LRBA: variants seen among roughly 807,000 people sequenced by gnomAD.
LRBA encodes the protein LPS responsive beige-like anchor protein.
A neutral mutation model predicts 330.0 loss-of-function variants in LRBA; 176 were observed. The observed-to-expected ratio is 0.53, with a 90% CI of 0.47 to 0.60. The LOEUF (loss-of-function observed/expected upper bound fraction) is 0.60. LRBA is among the 20% of genes least tolerant of loss of function. LRBA has a pLI of 0.00. For synonymous variants in LRBA, 1,230 were observed against 1,193.0 expected (o/e 1.03, Z -0.64); for missense variants, 3,259 against 3,444.8 (o/e 0.95, Z 1.35).
At chr4:150,724,899 TATATACAC>T (rs1248989175) in intron 36 of LRBA, among the ~76,000 whole-genome samples, 1 of 146,942 alleles carries the variant, frequency 6.8e-6, no homozygotes, top group African/African-American at 2.5e-5. Context: ...TATATGTATA[TATATACAC>T]ACACACACAC....
intron 2 of LRBA, chr4:151,014,128 A>G (rs760660145): frequency 1.6e-5 from 4 of 244,948 alleles, no homozygotes; most frequent in Middle Eastern, 1.2e-3. Context: ...CCAAGAAAAA[A>G]AAAATTAGAG....
intron 4 of LRBA, among the ~76,000 whole-genome samples, chr4:150,926,629 T>C (rs753737665): frequency 3.6e-4 from 54 of 151,718 alleles, no homozygotes; most frequent in Non-Finnish European, 5.7e-4. Flanking sequence ...AGGAGCAAAA[T>C]CAATGAGTAA....
At chr4:150,742,242 C>T (rs1732110642) in intron 35 of LRBA, among the ~76,000 whole-genome samples, 1 of 150,816 alleles carries the variant, frequency 6.6e-6, no homozygotes, top group African/African-American at 2.4e-5. Flanking sequence ...ACCTCCCAAG[C>T]TCAAGTGATC....
At chr4:150,714,831 C>A (rs999916402) in intron 36 of LRBA, among the ~76,000 whole-genome samples, 1 of 151,990 alleles carries the variant, frequency 6.6e-6, no homozygotes, top group Non-Finnish European at 1.5e-5. Context: ...ATAGTGAGTT[C>A]AGTTTTGAGA....
chr4:150,638,086 T>C (rs548873299), intron 37 of LRBA, among the ~76,000 whole-genome samples: 1 of 150,676 alleles, frequency 6.6e-6, no homozygotes, highest in Admixed American at 6.6e-5. Flanking sequence ...TGTTTACAAT[T>C]TCTTTAATTA....
intron 36 of LRBA, among the ~76,000 whole-genome samples, chr4:150,720,235 T>G (rs558245726): frequency 6.6e-6 from 1 of 152,200 alleles, no homozygotes; most frequent in East Asian, 1.9e-4. Flanking sequence ...ATAGCACCAA[T>G]CAATCAACAA....
chr4:150,402,232 G>A lies in LRBA; in HGVS notation c.7194+13206C>T, dbSNP rs1045052335. On this transcript the variant is annotated intron_variant, in intron 47 of 56. Transcript: ENST00000651943. ...TACAAAAAAAGAACTTATTTTAGAC[G>A]AGATCAGGCACTTTCAGGGTGGTAC... 1.7e-4 allele frequency among the ~76,000 whole-genome samples: 25 copies of A among 149,532 alleles called. 1 individual carries two copies. The highest frequency in any genetic ancestry group is 3.0e-5 in the Non-Finnish European group (2 of 67,680).
At chr4:150,332,950 T>G (rs1287297010) in intron 48 of LRBA, among the ~76,000 whole-genome samples, 1 of 152,152 alleles carries the variant, frequency 6.6e-6, no homozygotes, top group Non-Finnish European at 1.5e-5. Flanking sequence ...TTCTATAGTT[T>G]TTGTGTGTGC....
chr4:150,504,603 T>C (rs536220306), intron 40 of LRBA, among the ~76,000 whole-genome samples: 5 of 152,200 alleles, frequency 3.3e-5, no homozygotes, highest in Admixed American at 1.3e-4. Context: ...GCATTAAACA[T>C]GGAAAGGAAC....
At chr4:150,906,145 A>T in intron 12 of LRBA, 152 bp downstream of exon 12, 1 of 775,288 alleles carries the variant, frequency 1.3e-6, no homozygotes, top group South Asian at 1.8e-5. Context: ...AGAGGAATGG[A>T]GGCAAGGTAA....
intron 40 of LRBA, among the ~76,000 whole-genome samples, chr4:150,547,875 A>C (rs1040921885): frequency 6.6e-6 from 1 of 152,124 alleles, no homozygotes; most frequent in Non-Finnish European, 1.5e-5. Flanking sequence ...TAAAATTATA[A>C]TTTTACTTTA....
chr4:150,267,570 TATCTC>T (rs1290616614), intron 56 of LRBA, among the ~76,000 whole-genome samples: 1 of 152,210 alleles, frequency 6.6e-6, no homozygotes, highest in Non-Finnish European at 1.5e-5. Context: ...GATTTAAAAA[TATCTC>T]AAATCAATAA....
At chr4:150,841,027 C>A (rs1578961171) in intron 28 of LRBA, 1 of 1,248,622 alleles carries the variant, frequency 8.0e-7, no homozygotes, top group African/African-American at 1.5e-5. Flanking sequence ...TGATATTTTG[C>A]AGGTTCATAT....
At chr4:150,357,648 G>A (rs1315947650) in intron 47 of LRBA, among the ~76,000 whole-genome samples, 1 of 142,944 alleles carries the variant, frequency 7.0e-6, no homozygotes, top group South Asian at 2.2e-4. Context: ...TAGGGATATT[G>A]AGCTTTTTTT....
At chr4:150,448,197 A>C (rs1232838799) in intron 44 of LRBA, among the ~76,000 whole-genome samples, 1 of 152,234 alleles carries the variant, frequency 6.6e-6, no homozygotes, top group Non-Finnish European at 1.5e-5. Context: ...ATGGGATTGT[A>C]TCTAAGGGAC....
chr4:150,836,796 C>T (rs1477223853), intron 28 of LRBA, among the ~76,000 whole-genome samples: 1 of 152,194 alleles, frequency 6.6e-6, no homozygotes, highest in Non-Finnish European at 1.5e-5. Flanking sequence ...CTATCTCCTT[C>T]AGTTCTACTC....
chr4:150,606,789 T>C (rs190931911), intron 37 of LRBA, among the ~76,000 whole-genome samples: 15 of 152,340 alleles, frequency 9.8e-5, no homozygotes, highest in South Asian at 2.1e-4. Context: ...ATGATCAAAG[T>C]ACTAATTAAC....
At chr4:150,406,787 AT>A (rs1036801385) in intron 47 of LRBA, among the ~76,000 whole-genome samples, 19 of 150,352 alleles carry the variant, frequency 1.3e-4, no homozygotes, top group East Asian at 3.9e-4. Context: ...AAATTGAGGA[AT>A]TTTTTTTTTG....
chr4:150,328,857 C>T (rs1329914666), intron 48 of LRBA, among the ~76,000 whole-genome samples: 4 of 152,220 alleles, frequency 2.6e-5, no homozygotes, highest in Middle Eastern at 3.4e-3. Context: ...TGAATGATGA[C>T]ATTGTAGCAT....
Sources: gnomAD v4.1 joint callset for allele counts (sites outside exome capture counted in the v4.1 genomes callset) on GRCh38, gnomAD v4.1.1 for gene constraint, MANE v1.5 for transcripts, NCBI Gene and HGNC (gene_info 2026-07-23, HGNC 2026-07-21) for gene names.